PLEKHM1: variants seen among roughly 807,000 people sequenced by gnomAD.
PLEKHM1 encodes pleckstrin homology domain-containing family M member 1.
PLEKHM1 carries 28 observed loss-of-function variants against 94.3 expected under a neutral mutation model. That is an observed-to-expected ratio of 0.30 (90% CI 0.22 to 0.41). The LOEUF is 0.41. PLEKHM1 is among the 10% of genes least tolerant of loss of function. PLEKHM1 has a pLI of 1.00. For missense variants in PLEKHM1, 907 were observed against 1,358.6 expected (o/e 0.67, Z 5.22); for synonymous variants, 424 against 581.2 (o/e 0.73, Z 3.89).
At chr17:45,456,364 T>C (rs1341631002) in intron 6 of PLEKHM1, 1 of 152,244 alleles carries the variant, frequency 6.6e-6, no homozygotes, top group Non-Finnish European at 1.5e-5. Context: ...GCCTCAATAA[T>C]ATTTGCTGAA....
chr17:45,489,709 G>C (rs2868674), intron 1 of PLEKHM1, among the ~76,000 whole-genome samples: 2 of 152,116 alleles, frequency 1.3e-5, no homozygotes, highest in East Asian at 1.9e-4. Flanking sequence ...TGCTCAGTCT[G>C]TAACTGCGGG....
intron 7 of PLEKHM1, among the ~76,000 whole-genome samples, chr17:45,451,019 CAT>C (rs1486873236): frequency 1.4e-5 from 2 of 147,036 alleles, no homozygotes; most frequent in African/African-American, 5.1e-5. Flanking sequence ...TGTCTGGTCA[CAT>C]AGTGATGAAG....
chr17:45,449,883 T>C (rs1272291310), intron 8 of PLEKHM1, among the ~76,000 whole-genome samples: 1 of 148,906 alleles, frequency 6.7e-6, no homozygotes, highest in Non-Finnish European at 1.5e-5. Flanking sequence ...TCCATCCACC[T>C]AACCATCCAC....
chr17:45,440,513 C>T (rs1323675973), intron 9 of PLEKHM1: 1 of 577,912 alleles, frequency 1.7e-6, no homozygotes, highest in African/African-American at 1.9e-5. Flanking sequence ...AAGCATTTGG[C>T]TTGGTGCCAA....
intron 1 of PLEKHM1, among the ~76,000 whole-genome samples, chr17:45,489,941 G>A (rs567952529): frequency 4.6e-5 from 7 of 152,200 alleles, no homozygotes; most frequent in African/African-American, 7.2e-5. Flanking sequence ...GCAAGAGTTC[G>A]GGACAGTTTG....
Position 45,453,400 on chromosome 17 carries a change from T to A in PLEKHM1, c.2452A>T (p.Ile818Phe). The A allele has an allele frequency of 6.2e-7, 1 of 1,613,846 alleles. No individual in the cohort carries two copies. The highest frequency in any genetic ancestry group is 8.5e-7 in the Non-Finnish European group (1 of 1,179,818). The change falls in exon 7 of 12, where the codon ATC becomes TTC. Residue 818 changes from isoleucine (I) to phenylalanine (F), a missense_variant. Coordinates refer to ENST00000430334, the MANE Select transcript of PLEKHM1 (RefSeq NM_014798.3). The surrounding 1 kb of genome is among the most constrained non-coding windows in gnomAD (Gnocchi z 4.1). ...GAGTCAAGGCCTTTCTCCATGGGGATAGCCACCAGGTACTGCAGCAGGAAG... is the reference window on the plus strand; with the variant it reads ...GAGTCAAGGCCTTTCTCCATGGGGAAAGCCACCAGGTACTGCAGCAGGAAG... Reference protein sequence around the residue: ...NGFLLQYLVAIPMEKGLDSQG... With the variant: ...NGFLLQYLVAFPMEKGLDSQG...
intron 5 of PLEKHM1, among the ~76,000 whole-genome samples, chr17:45,461,134 G>T (rs1188785993): frequency 6.6e-6 from 1 of 151,964 alleles, no homozygotes; most frequent in South Asian, 2.1e-4. Flanking sequence ...TGATCCACCC[G>T]CCTCGGCCTC....
intron 8 of PLEKHM1, chr17:45,448,200 T>A (rs1436273626): frequency 6.6e-6 from 1 of 152,212 alleles, no homozygotes; most frequent in Non-Finnish European, 1.5e-5. Context: ...ATAGTTAACG[T>A]GTTTTATGAT....
At chr17:45,465,187 CT>C (rs2051282806) in intron 5 of PLEKHM1, among the ~76,000 whole-genome samples, 1 of 151,700 alleles carries the variant, frequency 6.6e-6, no homozygotes. Context: ...AGGCCTGGTG[CT>C]CTGTATCATA....
intron 1 of PLEKHM1, 67 bp downstream of exon 1, chr17:45,490,585 C>T (rs921272318): frequency 2.4e-6 from 1 of 416,096 alleles, no homozygotes; most frequent in South Asian, 1.6e-5. Flanking sequence ...GGAGGCCCAC[C>T]GCCCGTTCGC....
chr17:45,454,759 G>A (rs2050893519), intron 6 of PLEKHM1: 3 of 255,462 alleles, frequency 1.2e-5, no homozygotes, highest in Admixed American at 5.0e-5. Context: ...AACACCTCTC[G>A]TCTCCATGCA....
intron 3 of PLEKHM1, chr17:45,476,159 A>C (rs531073505): frequency 6.8e-6 from 1 of 147,354 alleles, no homozygotes; most frequent in East Asian, 1.9e-4. Flanking sequence ...ATATTTATAT[A>C]TAATAAATAT....
rs1474899965 is a variant in PLEKHM1, at chr17:45,436,590, CAG to C, written c.*1266_*1267del. 2.2e-6 allele frequency: 1 copy of C among 453,476 alleles called. No homozygotes were observed. The highest frequency in any genetic ancestry group is 4.4e-6 in the Non-Finnish European group (1 of 226,300). 28.1% of individuals were successfully genotyped at this position (453,476 alleles called of 1,614,324 possible). A position where few individuals can be genotyped will look rare whatever the true frequency, so the allele number is the denominator to read the frequency against. Reference sequence around the variant, plus strand: ...GTCCAGGAGAGGTGGGGGAAGGCGACAGAGAGACCAGCAAACCCACATTTCCC... The same window carrying C: ...GTCCAGGAGAGGTGGGGGAAGGCGACAGAGACCAGCAAACCCACATTTCCC... On this transcript the variant is annotated 3_prime_UTR_variant, in exon 12 of 12. Transcript: ENST00000430334.
At position 45,437,780 on chromosome 17, in the gene PLEKHM1, TG is replaced by T; in HGVS notation, c.*77del. On this transcript the variant is annotated 3_prime_UTR_variant, in exon 12 of 12. Coordinates refer to ENST00000430334, the MANE Select transcript of PLEKHM1 (RefSeq NM_014798.3). This position sits in a 1 kb window ranked among gnomAD's most constrained non-coding sequence, Gnocchi z 4.0. Reference sequence around the variant, plus strand: ...CACAGCTGTGACACGGTGAGTATCCTGGGCTGATGGCAAACCCAGCCGGGAT... The same window carrying T: ...CACAGCTGTGACACGGTGAGTATCCTGGCTGATGGCAAACCCAGCCGGGAT... 1.8e-6 allele frequency: 2 copies of T among 1,109,860 alleles called. No individual in the cohort carries two copies. The highest frequency in any genetic ancestry group is 2.8e-6 in the Non-Finnish European group (2 of 722,066). The allele number at this position is 1,109,860 out of a possible 1,614,324, so 68.8% of individuals were successfully genotyped here.
At chr17:45,479,979 T>C (rs192322644) in intron 2 of PLEKHM1, among the ~76,000 whole-genome samples, 26 of 152,386 alleles carry the variant, frequency 1.7e-4, no homozygotes, top group Non-Finnish European at 2.1e-4. Flanking sequence ...TGTTGGGTGA[T>C]AGGATTATGG....
At chr17:45,440,114 GAATGAAGT>G (rs2050398899) in intron 10 of PLEKHM1, 41 bp downstream of exon 10, 2 of 1,521,628 alleles carry the variant, frequency 1.3e-6, no homozygotes, top group Admixed American at 3.3e-5. Flanking sequence ...ACTTCTCTGG[GAATGAAGT>G]CTCTCTAGAG....
intron 8 of PLEKHM1, among the ~76,000 whole-genome samples, chr17:45,450,022 C>CACCT (rs988426702): frequency 6.6e-6 from 1 of 151,816 alleles, no homozygotes; most frequent in East Asian, 1.9e-4. Flanking sequence ...TCTGCTCATC[C>CACCT]ACCTACCTAC....
chr17:45,449,928 ATC>A (rs1355380866), intron 8 of PLEKHM1, among the ~76,000 whole-genome samples: 1 of 148,170 alleles, frequency 6.7e-6, no homozygotes, highest in Admixed American at 6.7e-5. Context: ...CTACCTGCCC[ATC>A]CACCCATCCA....
Position 45,453,157 on chromosome 17 carries a change from C to G in PLEKHM1, c.2497+198G>C, listed in dbSNP as rs1686568989. 1 of 639,798 alleles carries G rather than the reference C, an allele frequency of 1.6e-6. No individual in the cohort carries two copies. Among genetic ancestry groups the G allele is most frequent in the African/African-American group, 1.8e-5 (1 of 55,374 alleles). The allele number at this position is 639,798 out of a possible 1,614,324, so 39.6% of individuals were successfully genotyped here. On this transcript the variant is annotated intron_variant, in intron 7 of 11. Transcript: ENST00000430334. The surrounding 1 kb of genome is among the most constrained non-coding windows in gnomAD (Gnocchi z 4.1). Reference sequence around the variant, plus strand: ...AGGGACGGGTGAGCAGGGCCCACTGCCTATGAGCAGGGCACTGGCCCCAGC... The same window carrying G: ...AGGGACGGGTGAGCAGGGCCCACTGGCTATGAGCAGGGCACTGGCCCCAGC...
Sources: allele counts gnomAD v4.1 joint callset (sites outside exome capture counted in the v4.1 genomes callset), GRCh38; gene constraint gnomAD v4.1.1; non-coding constraint Gnocchi (gnomAD v3.1); transcripts MANE v1.5; gene names NCBI Gene and HGNC (gene_info 2026-07-23, HGNC 2026-07-21).